PTPRG: variants seen among roughly 807,000 people sequenced by gnomAD.
PTPRG encodes the protein receptor-type tyrosine-protein phosphatase gamma.
A neutral mutation model predicts 165.3 loss-of-function variants in PTPRG; 102 were observed. The ratio of observed to expected loss-of-function variants is 0.62; its 90% confidence interval spans 0.53 to 0.73. The LOEUF (loss-of-function observed/expected upper bound fraction) is 0.73, where lower values mean the gene tolerates loss of function less well. Among genes scored for constraint, PTPRG ranks in the 30% least tolerant of loss-of-function variants. The pLI is 0.00. For synonymous variants in PTPRG, 675 were observed against 669.5 expected (o/e 1.01, Z -0.13); for missense variants, 1,866 against 1,861.4 (o/e 1.00, Z -0.05).
chr3:61,705,829 C>CTCT (rs1333200585), intron 1 of PTPRG, among the ~76,000 whole-genome samples: 1 of 152,176 alleles, frequency 6.6e-6, no homozygotes, highest in Non-Finnish European at 1.5e-5. Flanking sequence ...GTGAGGTGCC[C>CTCT]TCTTCAATGG....
intron 1 of PTPRG, among the ~76,000 whole-genome samples, chr3:61,585,412 G>T (rs1700410639): frequency 6.6e-6 from 1 of 152,064 alleles, no homozygotes; most frequent in African/African-American, 2.4e-5. Flanking sequence ...CTTGCCATTT[G>T]GTACTATAGC....
chr3:61,568,298 C>CTTTA (rs1393354982), intron 1 of PTPRG, among the ~76,000 whole-genome samples: 1 of 152,136 alleles, frequency 6.6e-6, no homozygotes, highest in Non-Finnish European at 1.5e-5. Context: ...TAAAGTAATA[C>CTTTA]AGGTAAATTT....
At position 61,681,194 on chromosome 3, in the gene PTPRG, T is replaced by G. The variant is rs553108260; in HGVS notation, c.86-67684T>G. Among the ~76,000 whole-genome samples the G allele has an allele frequency of 2.0e-5, 3 of 152,312 alleles. No individual in the cohort carries two copies. The South Asian group carries it at 6.2e-4, about 32-fold the overall frequency. On this transcript the variant is annotated intron_variant, in intron 1 of 29. Coordinates refer to ENST00000474889, the MANE Select transcript of PTPRG (RefSeq NM_002841.4). ...TTAGCTTGTGAAAAGCTTCTTTTCTTGCTTTTAAAACCTTCACTCTGCGTT... is the reference window on the plus strand; with the variant it reads ...TTAGCTTGTGAAAAGCTTCTTTTCTGGCTTTTAAAACCTTCACTCTGCGTT...
intron 15 of PTPRG, among the ~76,000 whole-genome samples, chr3:62,250,521 G>C (rs570221661): frequency 6.6e-6 from 1 of 152,246 alleles, no homozygotes; most frequent in East Asian, 1.9e-4. Context: ...CAAGAAAGCT[G>C]TTTCTCTTTT....
chr3:61,673,329 T>C (rs570630042), intron 1 of PTPRG, among the ~76,000 whole-genome samples: 1 of 152,300 alleles, frequency 6.6e-6, no homozygotes, highest in East Asian at 1.9e-4. Flanking sequence ...TTTCTAAAAC[T>C]CTGTGTTAGA....
At chr3:61,747,355 G>A (rs768830603) in intron 1 of PTPRG, among the ~76,000 whole-genome samples, 10 of 152,084 alleles carry the variant, frequency 6.6e-5, no homozygotes, top group Non-Finnish European at 1.3e-4. Context: ...GGATTAATGG[G>A]GAATAATTAT....
In PTPRG at chr3:62,237,522, T is replaced by C. The variant is rs376169082; in HGVS notation, c.2375+6211T>C. Among the ~76,000 whole-genome samples, 1 of 152,222 alleles carries C rather than the reference T, an allele frequency of 6.6e-6. No individual in the cohort carries two copies. The highest frequency in any genetic ancestry group is 6.5e-5 in the Admixed American group (1 of 15,288). Reference sequence around the variant, plus strand: ...CGTTGACAGCTGATACTGGCCGATGTGTTTCACATCCTGACTAAAAGATGT... The same window carrying C: ...CGTTGACAGCTGATACTGGCCGATGCGTTTCACATCCTGACTAAAAGATGT... On this transcript the variant is annotated intron_variant, in intron 14 of 29. Coordinates refer to ENST00000474889, the MANE Select transcript of PTPRG (RefSeq NM_002841.4). This position sits in a 1 kb window ranked among gnomAD's most constrained non-coding sequence, Gnocchi z 4.5.
At chr3:61,982,108 G>C (rs1015172478) in intron 2 of PTPRG, among the ~76,000 whole-genome samples, 1 of 152,052 alleles carries the variant, frequency 6.6e-6, no homozygotes. Context: ...GGAAAGTCAG[G>C]ATTCTAAAAG....
intron 13 of PTPRG, among the ~76,000 whole-genome samples, chr3:62,225,139 C>T (rs1342320907): frequency 6.6e-6 from 1 of 152,132 alleles, no homozygotes; most frequent in Admixed American, 6.5e-5. Flanking sequence ...CCATTTTGGT[C>T]TTTTTACTTA....
chr3:61,561,995 G>T lies in PTPRG; in HGVS notation c.-293G>T. On this transcript the variant is annotated 5_prime_UTR_variant, in exon 1 of 30. Coordinates refer to ENST00000474889, the MANE Select transcript of PTPRG (RefSeq NM_002841.4). Reference sequence around the variant, plus strand: ...GCCCGGGGCATCGCCGCCGGCCGCCGACTCCGCGCCCTGCCCGATCGGCTC... The same window carrying T: ...GCCCGGGGCATCGCCGCCGGCCGCCTACTCCGCGCCCTGCCCGATCGGCTC... The T allele has an allele frequency of 3.9e-6, 1 of 259,650 alleles. No homozygotes were observed. Among genetic ancestry groups the T allele is most frequent in the South Asian group, 8.9e-5 (1 of 11,294 alleles). The allele number at this position is 259,650 out of a possible 1,614,324, so 16.1% of individuals were successfully genotyped here.
intron 1 of PTPRG, among the ~76,000 whole-genome samples, chr3:61,636,802 C>A (rs573926915): frequency 7.2e-5 from 11 of 152,122 alleles, no homozygotes; most frequent in Non-Finnish European, 1.3e-4. Flanking sequence ...TGAAACACTG[C>A]TCTGTCTGCT....
rs745466795 is a variant in PTPRG, at chr3:62,275,875, G to T, written c.3468G>T (p.Leu1156=). 81 of 1,601,284 alleles carry T rather than the reference G, an allele frequency of 5.1e-5. No homozygotes were observed. The highest frequency in any genetic ancestry group is 6.1e-5 in the Non-Finnish European group (71 of 1,172,804). ...CTAAAATGTTTTTTCTTTTTCAGCT[G>T]GTCACACAGTGTAATGCAAAATATG... is the stretch of plus-strand genomic sequence containing the variant. ...GKTRLEKQFK[L]VTQCNAKYVE... The change falls in exon 24 of 30, where the codon CTG becomes CTT. Residue 1156 remains leucine, a splice_region_variant and synonymous_variant. Transcript: ENST00000474889.
At chr3:62,060,107 A>G (rs1575950100) in intron 4 of PTPRG, among the ~76,000 whole-genome samples, 2 of 151,660 alleles carry the variant, frequency 1.3e-5, no homozygotes, top group African/African-American at 2.4e-5. Context: ...AGCCCCAGCT[A>G]TTCCCCAGGC....
At chr3:61,651,903 G>T (rs570792027) in intron 1 of PTPRG, among the ~76,000 whole-genome samples, 15 of 152,180 alleles carry the variant, frequency 9.9e-5, no homozygotes, top group Admixed American at 2.0e-4. Flanking sequence ...CCAGTTATTC[G>T]GGAGGCTGAG....
At chr3:62,172,411 G>A (rs1021814903) in intron 8 of PTPRG, among the ~76,000 whole-genome samples, 7 of 152,278 alleles carry the variant, frequency 4.6e-5, no homozygotes, top group South Asian at 2.1e-4. Context: ...ACCAACACTT[G>A]TTATTGTGCA....
At chr3:61,857,748 G>T (rs1374364514) in intron 2 of PTPRG, among the ~76,000 whole-genome samples, 1 of 152,066 alleles carries the variant, frequency 6.6e-6, no homozygotes, top group Non-Finnish European at 1.5e-5. Context: ...TTGAATGTTG[G>T]GTGTGTGTTG....
intron 4 of PTPRG, among the ~76,000 whole-genome samples, chr3:62,066,464 G>T (rs754400664): frequency 3.3e-5 from 5 of 152,180 alleles, no homozygotes; most frequent in Admixed American, 1.3e-4. Context: ...TCATGTGGCT[G>T]TTACTCCCAA....
intron 1 of PTPRG, among the ~76,000 whole-genome samples, chr3:61,709,127 ATTG>A (rs900523316): frequency 3.9e-5 from 6 of 152,096 alleles, no homozygotes; most frequent in African/African-American, 1.4e-4. Context: ...AGTCAGAGGT[ATTG>A]TTGTCTCCAT....
At chr3:62,145,420 G>A (rs755467071) in intron 6 of PTPRG, among the ~76,000 whole-genome samples, 2 of 152,154 alleles carry the variant, frequency 1.3e-5, no homozygotes, top group East Asian at 1.9e-4. Flanking sequence ...TGGAAACCAC[G>A]TGATGACAGG....
Sources: allele counts gnomAD v4.1 joint callset (sites outside exome capture counted in the v4.1 genomes callset), GRCh38; gene constraint gnomAD v4.1.1; non-coding constraint Gnocchi (gnomAD v3.1); transcripts MANE v1.5; gene names NCBI Gene and HGNC (gene_info 2026-07-23, HGNC 2026-07-21).